The following CRHR1 variants were observed in gnomAD, a reference collection of about 807,000 sequenced individuals.
CRHR1 encodes corticotropin-releasing hormone receptor 1.
In CRHR1, 28 loss-of-function variants were observed where a neutral mutation model predicts 56.0. The ratio of observed to expected loss-of-function variants is 0.50; its 90% confidence interval spans 0.37 to 0.69. CRHR1 has a LOEUF of 0.69. Ranked by LOEUF, CRHR1 falls within the 30% of genes least tolerant of loss-of-function variation. The pLI, the probability that CRHR1 is intolerant of heterozygous loss-of-function variation, is 0.00. For missense variants in CRHR1, 376 were observed against 548.0 expected (o/e 0.69, Z 3.13); for synonymous variants, 195 against 216.5 (o/e 0.90, Z 0.87).
chr17:45,833,682 G>A, intron 10 of CRHR1, 32 bp from the exon 11 acceptor site: 1 of 1,600,722 alleles, frequency 6.2e-7, no homozygotes, highest in Non-Finnish European at 8.5e-7. Flanking sequence ...GGTGGGCTGT[G>A]ACTCCGAGCC....
chr17:45,813,122 A>T (rs2061854856), intron 2 of CRHR1, among the ~76,000 whole-genome samples: 1 of 152,160 alleles, frequency 6.6e-6, no homozygotes, highest in Non-Finnish European at 1.5e-5. Flanking sequence ...CCGAGGCCTT[A>T]TGGGAAGGCA....
intron 2 of CRHR1, among the ~76,000 whole-genome samples, chr17:45,815,156 G>A (rs1242773325): frequency 2.0e-5 from 3 of 152,186 alleles, no homozygotes; most frequent in Non-Finnish European, 4.4e-5. Context: ...GCCCCCACAC[G>A]CGCTGGTTCA....
chr17:45,805,333 C>T (rs892440469), intron 1 of CRHR1, among the ~76,000 whole-genome samples: 3 of 152,298 alleles, frequency 2.0e-5, no homozygotes, highest in Admixed American at 6.5e-5. Context: ...GCACTCACCA[C>T]GTGGAGTCCC....
At chr17:45,788,059 C>T (rs925002420) in intron 1 of CRHR1, among the ~76,000 whole-genome samples, 3 of 152,216 alleles carry the variant, frequency 2.0e-5, no homozygotes, top group Non-Finnish European at 2.9e-5. Flanking sequence ...CATTTCTCAC[C>T]CTCTCTAACA....
At chr17:45,787,029 AAATC>A (rs1312327908) in intron 1 of CRHR1, among the ~76,000 whole-genome samples, 3 of 152,138 alleles carry the variant, frequency 2.0e-5, no homozygotes, top group Non-Finnish European at 4.4e-5. Context: ...ATGAGAGTAC[AAATC>A]TAGGGGATTT....
chr17:45,813,260 A>T (rs1413107599), intron 2 of CRHR1, among the ~76,000 whole-genome samples: 1 of 151,802 alleles, frequency 6.6e-6, no homozygotes, highest in Non-Finnish European at 1.5e-5. Flanking sequence ...CCTCCCTTCT[A>T]ACTCCACTCC....
intron 1 of CRHR1, among the ~76,000 whole-genome samples, chr17:45,794,852 C>A (rs946387073): frequency 3.3e-5 from 5 of 152,236 alleles, no homozygotes; most frequent in African/African-American, 1.2e-4. Context: ...GGGCCCAGGG[C>A]CCAGGACCCG....
rs567434577 is a variant in CRHR1, at chr17:45,790,382, C to T, written c.33+5805C>T. The stretch of plus-strand genomic sequence containing the variant: ...GATGGCAGGAAGGGAGGGAGGCAGA[C>T]TTCATGAAACAGGCATGTCAGAATC... On this transcript the variant is annotated intron_variant, in intron 1 of 12. Transcript: ENST00000314537. 6.8e-4 allele frequency among the ~76,000 whole-genome samples: 104 copies of T among 152,274 alleles called. 3 individuals are homozygous for T. In the South Asian group the frequency reaches 0.021, roughly 31 times the overall value.
intron 4 of CRHR1, among the ~76,000 whole-genome samples, chr17:45,821,873 A>G (rs1252352181): frequency 2.6e-5 from 4 of 152,236 alleles, no homozygotes; most frequent in Non-Finnish European, 5.9e-5. Context: ...GTAGCAATGC[A>G]GTTTGAAAAA....
intron 1 of CRHR1, among the ~76,000 whole-genome samples, chr17:45,794,465 C>T (rs952144003): frequency 3.3e-5 from 5 of 152,238 alleles, no homozygotes; most frequent in African/African-American, 1.2e-4. Context: ...ACACAGCCTG[C>T]CCCTCCTGCC....
intron 2 of CRHR1, among the ~76,000 whole-genome samples, chr17:45,815,317 G>T (rs1373460607): frequency 6.6e-6 from 1 of 152,150 alleles, no homozygotes; most frequent in African/African-American, 2.4e-5. Context: ...GCCTCAGGGG[G>T]GTGCCAGGAC....
chr17:45,822,449 G>C (rs867891115), intron 4 of CRHR1, among the ~76,000 whole-genome samples: 22 of 152,232 alleles, frequency 1.4e-4, no homozygotes, highest in Non-Finnish European at 2.5e-4. Flanking sequence ...AAGGGCAGAA[G>C]GGGGGACACC....
chr17:45,806,683 G>A (rs868742409), intron 1 of CRHR1, among the ~76,000 whole-genome samples: 22 of 152,196 alleles, frequency 1.4e-4, no homozygotes, highest in Non-Finnish European at 2.5e-4. Context: ...GGATTCCATG[G>A]GGATGGAGGT....
At chr17:45,805,659 T>C (rs1411243282) in intron 1 of CRHR1, among the ~76,000 whole-genome samples, 1 of 152,098 alleles carries the variant, frequency 6.6e-6, no homozygotes, top group African/African-American at 2.4e-5. Context: ...CCATGAGGCC[T>C]CTTGGGCTTC....
chr17:45,813,306 C>T (rs996189506), intron 2 of CRHR1, among the ~76,000 whole-genome samples: 1 of 152,146 alleles, frequency 6.6e-6, no homozygotes, highest in Non-Finnish European at 1.5e-5. Flanking sequence ...CCACGCCCCC[C>T]CAACCCCCCC....
intron 2 of CRHR1, 122 bp downstream of exon 2, chr17:45,807,219 TC>T: frequency 1.2e-6 from 1 of 834,816 alleles, no homozygotes; most frequent in Non-Finnish European, 1.9e-6. Context: ...TCATTTCCTC[TC>T]CAGGGCTCCA....
At chr17:45,828,510 T>C (rs1163507890) in intron 4 of CRHR1, among the ~76,000 whole-genome samples, 1 of 152,236 alleles carries the variant, frequency 6.6e-6, no homozygotes, top group Non-Finnish European at 1.5e-5. Context: ...AGGAGGGCAG[T>C]GACCTCCATC....
At chr17:45,787,296 C>T (rs1228862708) in intron 1 of CRHR1, among the ~76,000 whole-genome samples, 1 of 151,948 alleles carries the variant, frequency 6.6e-6, no homozygotes, top group East Asian at 1.9e-4. Flanking sequence ...GGGGCAGGGG[C>T]CTGAGCACCT....
At chr17:45,785,294 G>T (rs1405797820) in intron 1 of CRHR1, among the ~76,000 whole-genome samples, 1 of 152,270 alleles carries the variant, frequency 6.6e-6, no homozygotes, top group Non-Finnish European at 1.5e-5. Flanking sequence ...TCCAGCGTCT[G>T]CCCGCTGAAG....
Sources: gnomAD v4.1 joint callset for allele counts (sites outside exome capture counted in the v4.1 genomes callset) on GRCh38, gnomAD v4.1.1 for gene constraint, MANE v1.5 for transcripts, NCBI Gene and HGNC (gene_info 2026-07-23, HGNC 2026-07-21) for gene names.